The following EDEM2 variants were observed in gnomAD, a reference collection of about 807,000 sequenced individuals.
The protein encoded by EDEM2 is ER degradation enhancing alpha-mannosidase like protein 2.
A neutral mutation model predicts 64.8 loss-of-function variants in EDEM2; 39 were observed. The observed-to-expected ratio is 0.60, with a 90% confidence interval of 0.47 to 0.79. The LOEUF (loss-of-function observed/expected upper bound fraction) is 0.79. Ranked by LOEUF, EDEM2 falls within the 30% of genes least tolerant of loss-of-function variation. The pLI, the probability that EDEM2 is intolerant of heterozygous loss-of-function variation, is 0.00. For synonymous variants in EDEM2, 296 were observed against 291.5 expected (o/e 1.02, Z -0.16); for missense variants, 609 against 731.3 (o/e 0.83, Z 1.93).
At chr20:35,131,534 C>A in intron 7 of EDEM2, 108 bp downstream of exon 7, 2 of 1,414,778 alleles carry the variant, frequency 1.4e-6, no homozygotes, top group Non-Finnish European at 1.9e-6. Context: ...CCACTGCACT[C>A]CAGCCTGGGA....
intron 10 of EDEM2, among the ~76,000 whole-genome samples, chr20:35,116,856 C>T (rs1175639910): frequency 1.3e-5 from 2 of 151,800 alleles, no homozygotes; most frequent in Non-Finnish European, 2.9e-5. Flanking sequence ...ATGGCATGGT[C>T]TCGGCTCACT....
At chr20:35,118,034 C>T (rs2085328450) in intron 10 of EDEM2, among the ~76,000 whole-genome samples, 1 of 152,156 alleles carries the variant, frequency 6.6e-6, no homozygotes, top group Non-Finnish European at 1.5e-5. Flanking sequence ...TGCTCCGCTC[C>T]AGCCACACTG....
At chr20:35,116,650 C>T (rs554445236) in intron 10 of EDEM2, among the ~76,000 whole-genome samples, 28 of 152,202 alleles carry the variant, frequency 1.8e-4, no homozygotes, top group Non-Finnish European at 1.2e-4. Context: ...ATGACAATCT[C>T]CTATCCCCTT....
chr20:35,134,884 C>A lies in EDEM2; in HGVS notation c.556G>T (p.Glu186Ter), dbSNP rs200059987. The change falls in exon 6 of 11, where the codon GAG (glutamate) becomes TAG (stop). Residue 186 changes from glutamate to a stop codon, truncating the protein, a stop_gained. Coordinates refer to ENST00000374492, the MANE Select transcript of EDEM2 (RefSeq NM_018217.3). LOFTEE classifies it high-confidence loss of function. ...VNLLHGVNPG[E>*]TPVTCTAGIG... The stretch of plus-strand genomic sequence containing the variant: ...CCTGCCGTACAGGTGACAGGGGTCT[C>A]TCCTGGGTTCACGCCATGAAGTAAG... 133 of 1,614,064 alleles carry A rather than the reference C, an allele frequency of 8.2e-5. No individual in the cohort carries two copies. The highest frequency in any genetic ancestry group is 2.7e-4 in the Admixed American group (16 of 59,994).
chr20:35,137,324 C>T (rs1439406017), intron 5 of EDEM2, among the ~76,000 whole-genome samples: 1 of 152,146 alleles, frequency 6.6e-6, no homozygotes, highest in Non-Finnish European at 1.5e-5. Flanking sequence ...GAGGCTGAAG[C>T]AAAAGAATTG....
rs141332445 is a variant in EDEM2 at position 35,121,905 on chromosome 20, C to T, written c.1114+1985G>A. Among the ~76,000 whole-genome samples the T allele has an allele frequency of 2.4e-3, 359 of 152,122 alleles. 1 individual carries two copies. The highest frequency in any genetic ancestry group is 8.4e-3 in the African/African-American group (348 of 41,516). On this transcript the variant is annotated intron_variant, in intron 9 of 10. Transcript: ENST00000374492. ...GACCACCTGGGCTCAAGTGATCCTC[C>T]CAGGTAGCTGGGATGGGACTACAGG...
At chr20:35,144,229 C>T (rs1409636084) in intron 3 of EDEM2, among the ~76,000 whole-genome samples, 2 of 151,702 alleles carry the variant, frequency 1.3e-5, no homozygotes, top group African/African-American at 4.8e-5. Context: ...GGTTTCTTAA[C>T]GATAAGAAGG....
At chr20:35,125,446 G>A (rs192079459) in intron 8 of EDEM2, among the ~76,000 whole-genome samples, 2,046 of 151,746 alleles carry the variant, frequency 0.013, 63 homozygotes, top group African/African-American at 0.047. Context: ...GTGCAGTGGC[G>A]CAATCTCAGC....
chr20:35,142,486 TAA>T lies in EDEM2; in HGVS notation c.259-10_259-9del. 6.2e-7 allele frequency: 1 copy of T among 1,607,410 alleles called. No individual in the cohort carries two copies. The highest frequency in any genetic ancestry group is 8.5e-7 in the Non-Finnish European group (1 of 1,175,132). ...TGAGACATTCCCCAAAATCTGGAAA[TAA>T]AAAAGAGACCTGACAATGAGGCTCT... On this transcript the variant is annotated splice_polypyrimidine_tract_variant and intron_variant, in intron 3 of 10. Coordinates refer to ENST00000374492, the MANE Select transcript of EDEM2 (RefSeq NM_018217.3).
intron 6 of EDEM2, chr20:35,134,282 G>A (rs760681799): frequency 7.8e-6 from 3 of 382,914 alleles, no homozygotes; most frequent in South Asian, 2.0e-5. Context: ...TCCAAAAAAG[G>A]GGGGGATATT....
chr20:35,140,248 C>G (rs1489336429), intron 4 of EDEM2, among the ~76,000 whole-genome samples: 1 of 152,178 alleles, frequency 6.6e-6, no homozygotes, highest in African/African-American at 2.4e-5. Context: ...CTTTGGGAAG[C>G]CAAAGCAGGT....
chr20:35,137,030 G>C (rs1192416235), intron 5 of EDEM2, among the ~76,000 whole-genome samples: 4 of 152,142 alleles, frequency 2.6e-5, no homozygotes, highest in Non-Finnish European at 5.9e-5. Flanking sequence ...TCTCTAAGCA[G>C]TTTCTCCTTC....
chr20:35,134,654 T>G (rs2085549861), intron 6 of EDEM2, 84 bp downstream of exon 6: 1 of 1,503,662 alleles, frequency 6.7e-7, no homozygotes, highest in Non-Finnish European at 9.1e-7. Context: ...CCCTAAGTTT[T>G]CCTTGGCTTG....
chr20:35,128,183 C>T (rs1433721131), intron 7 of EDEM2, among the ~76,000 whole-genome samples: 2 of 151,934 alleles, frequency 1.3e-5, no homozygotes, highest in African/African-American at 2.4e-5. Flanking sequence ...CAGTGTTAGA[C>T]CATCCTGCCT....
At chr20:35,142,956 C>A (rs56289635) in intron 3 of EDEM2, among the ~76,000 whole-genome samples, 16,105 of 152,096 alleles carry the variant, frequency 0.11, 1,080 homozygotes, top group Non-Finnish European at 0.15. Flanking sequence ...CGGGGTTTCA[C>A]CATGTTGATC....
At chr20:35,139,213 G>C (rs991407281) in intron 4 of EDEM2, among the ~76,000 whole-genome samples, 1 of 152,132 alleles carries the variant, frequency 6.6e-6, no homozygotes, top group African/African-American at 2.4e-5. Flanking sequence ...AGCTGGGCGT[G>C]GTGGCAAGCG....
chr20:35,125,764 T>C (rs545455576), intron 8 of EDEM2, among the ~76,000 whole-genome samples: 3 of 152,252 alleles, frequency 2.0e-5, no homozygotes, highest in Admixed American at 2.0e-4. Context: ...TTTAAAAACG[T>C]AGATTATAAA....
chr20:35,146,531 C>T (rs1316160438), intron 2 of EDEM2, among the ~76,000 whole-genome samples: 1 of 152,200 alleles, frequency 6.6e-6, no homozygotes, highest in Non-Finnish European at 1.5e-5. Flanking sequence ...AGCCCTTCCA[C>T]GGTATCTCGT....
intron 6 of EDEM2, among the ~76,000 whole-genome samples, chr20:35,132,786 C>A (rs534216326): frequency 2.8e-4 from 43 of 152,308 alleles, no homozygotes; most frequent in Admixed American, 9.8e-4. Context: ...GATACGCCTG[C>A]CTTGGCCTCC....
Sources: allele counts gnomAD v4.1 joint callset (sites outside exome capture counted in the v4.1 genomes callset), GRCh38; gene constraint gnomAD v4.1.1; transcripts MANE v1.5; gene names NCBI Gene and HGNC (gene_info 2026-07-23, HGNC 2026-07-21).